SCIN: variants seen among roughly 807,000 people sequenced by gnomAD.
The protein encoded by SCIN is adseverin.
In SCIN, 91 loss-of-function variants were observed where a neutral mutation model predicts 91.8. The ratio of observed to expected loss-of-function variants is 0.99; its 90% confidence interval spans 0.84 to 1.18. SCIN has a LOEUF of 1.18. SCIN is among the 50% of genes most tolerant of loss of function. The pLI is 0.00. For synonymous variants in SCIN, 367 were observed against 312.6 expected (o/e 1.17, Z -1.84); for missense variants, 1,087 against 863.9 (o/e 1.26, Z -3.24).
At chr7:12,639,803 G>T (rs1406481543) in intron 10 of SCIN, among the ~76,000 whole-genome samples, 3 of 151,954 alleles carry the variant, frequency 2.0e-5, no homozygotes, top group Non-Finnish European at 4.4e-5. Context: ...AGCAATCTTT[G>T]TGTGTGTGTG....
intron 3 of SCIN, among the ~76,000 whole-genome samples, chr7:12,598,226 T>C (rs1473676432): frequency 6.6e-6 from 1 of 152,222 alleles, no homozygotes; most frequent in East Asian, 1.9e-4. Flanking sequence ...TCAGACTTTT[T>C]TTAACTTTAT....
At chr7:12,637,131 C>T (rs1783767500) in intron 10 of SCIN, among the ~76,000 whole-genome samples, 1 of 152,048 alleles carries the variant, frequency 6.6e-6, no homozygotes, top group Admixed American at 6.6e-5. Context: ...CTTATGACCT[C>T]CAAAACTGTA....
At chr7:12,582,114 C>T (rs1782499746) in intron 3 of SCIN, among the ~76,000 whole-genome samples, 1 of 152,202 alleles carries the variant, frequency 6.6e-6, no homozygotes. Context: ...ACCTGCATTG[C>T]TTCAGTTAGC....
chr7:12,598,083 G>C (rs988201147), intron 3 of SCIN, among the ~76,000 whole-genome samples: 1 of 152,164 alleles, frequency 6.6e-6, no homozygotes, highest in Non-Finnish European at 1.5e-5. Context: ...ACAATTTTCA[G>C]TGTCTAGCAT....
intron 3 of SCIN, chr7:12,595,606 C>T (rs1252579510): frequency 6.6e-6 from 1 of 151,296 alleles, no homozygotes; most frequent in Non-Finnish European, 1.5e-5. Context: ...GGAGCAGGCA[C>T]TAGGAAAGAC....
chr7:12,638,079 T>C (rs1032783635), intron 10 of SCIN, among the ~76,000 whole-genome samples: 2 of 152,186 alleles, frequency 1.3e-5, no homozygotes, highest in Admixed American at 1.3e-4. Flanking sequence ...ATCTGCTACT[T>C]GTTTCAGGAC....
intron 3 of SCIN, among the ~76,000 whole-genome samples, chr7:12,603,066 T>G (rs1782990785): frequency 1.3e-5 from 2 of 152,174 alleles, no homozygotes; most frequent in African/African-American, 4.8e-5. Flanking sequence ...CGCAACAGTT[T>G]CTTTTGTTTT....
intron 4 of SCIN, among the ~76,000 whole-genome samples, chr7:12,613,223 G>A (rs1783233665): frequency 6.6e-6 from 1 of 152,038 alleles, no homozygotes; most frequent in African/African-American, 2.4e-5. Flanking sequence ...CTAACAGACT[G>A]TATTTTTTCA....
At chr7:12,642,985 TA>T (rs1783886673) in intron 11 of SCIN, among the ~76,000 whole-genome samples, 1 of 152,210 alleles carries the variant, frequency 6.6e-6, no homozygotes, top group South Asian at 2.1e-4. Flanking sequence ...TAATTATGAC[TA>T]TTTTTTTGAC....
intron 3 of SCIN, among the ~76,000 whole-genome samples, chr7:12,598,389 A>G (rs1221035390): frequency 6.6e-6 from 1 of 152,190 alleles, no homozygotes; most frequent in Non-Finnish European, 1.5e-5. Context: ...TGAATAGAGT[A>G]AGTGTTGGGC....
intron 5 of SCIN, 26 bp from the exon 6 acceptor site, chr7:12,624,984 C>CCA: frequency 6.5e-7 from 1 of 1,547,378 alleles, no homozygotes; most frequent in Non-Finnish European, 8.7e-7. Flanking sequence ...CAAATGAAAA[C>CCA]ATGGAGGTCA....
chr7:12,603,383 T>G (rs1262587767), intron 3 of SCIN, among the ~76,000 whole-genome samples: 2 of 152,044 alleles, frequency 1.3e-5, no homozygotes, highest in Non-Finnish European at 2.9e-5. Flanking sequence ...TGACCCACGA[T>G]CCGCAAGCCT....
intron 3 of SCIN, among the ~76,000 whole-genome samples, chr7:12,592,981 A>T (rs1782758431): frequency 6.6e-6 from 1 of 152,216 alleles, no homozygotes; most frequent in Admixed American, 6.5e-5. Context: ...GGCTAGGCCA[A>T]GGAGCTATGG....
chr7:12,635,730 G>T (rs1227697914), intron 9 of SCIN, among the ~76,000 whole-genome samples: 1 of 150,534 alleles, frequency 6.6e-6, no homozygotes, highest in African/African-American at 2.4e-5. Flanking sequence ...CACTGTAGAG[G>T]TGTTTTCTAA....
chr7:12,602,633 T>C (rs941402182), intron 3 of SCIN, among the ~76,000 whole-genome samples: 3 of 152,116 alleles, frequency 2.0e-5, no homozygotes, highest in Non-Finnish European at 4.4e-5. Flanking sequence ...AATATTAATA[T>C]TCCTTGCTAG....
At chr7:12,619,613 C>G (rs1349014248) in intron 4 of SCIN, among the ~76,000 whole-genome samples, 1 of 152,026 alleles carries the variant, frequency 6.6e-6, no homozygotes, top group Non-Finnish European at 1.5e-5. Context: ...TGAAGCTGGT[C>G]GATTATTAAT....
At chr7:12,596,614 T>C (rs1782848070) in intron 3 of SCIN, among the ~76,000 whole-genome samples, 1 of 152,140 alleles carries the variant, frequency 6.6e-6, no homozygotes, top group Non-Finnish European at 1.5e-5. Flanking sequence ...TAACTCTTGA[T>C]GTTGATTGAG....
chr7:12,578,870 T>C (rs1347085775), intron 2 of SCIN, among the ~76,000 whole-genome samples: 1 of 148,122 alleles, frequency 6.8e-6, no homozygotes, highest in Non-Finnish European at 1.5e-5. Flanking sequence ...AATAGTTAAA[T>C]GGTTCTATCC....
At chr7:12,642,034 G>A (rs1783867994) in intron 11 of SCIN, among the ~76,000 whole-genome samples, 1 of 151,354 alleles carries the variant, frequency 6.6e-6, no homozygotes, top group East Asian at 1.9e-4. Flanking sequence ...ATTTCCATAT[G>A]ATGAAGTGTC....
Sources: allele counts gnomAD v4.1 joint callset (sites outside exome capture counted in the v4.1 genomes callset), GRCh38; gene constraint gnomAD v4.1.1; transcripts MANE v1.5; gene names NCBI Gene and HGNC (gene_info 2026-07-23, HGNC 2026-07-21).